EXT2: variants seen among roughly 807,000 people sequenced by gnomAD.
The protein encoded by EXT2 is exostosin glycosyltransferase 2.
In EXT2, 53 loss-of-function variants were observed where a neutral mutation model predicts 81.6. The ratio of observed to expected loss-of-function variants is 0.65; its 90% CI spans 0.52 to 0.82. The LOEUF (loss-of-function observed/expected upper bound fraction) is 0.82. EXT2 is among the 40% of genes least tolerant of loss of function. The pLI, the probability that EXT2 is intolerant of heterozygous loss-of-function variation, is 0.00. For missense variants in EXT2, 774 were observed against 910.2 expected, an observed-to-expected ratio of 0.85 and a Z score of 1.93; for synonymous variants, 320 against 340.0, an observed-to-expected ratio of 0.94 and a Z score of 0.65.
At chr11:44,110,516 G>A (rs1468386518) in intron 3 of EXT2, among the ~76,000 whole-genome samples, 2 of 152,214 alleles carry the variant, frequency 1.3e-5, no homozygotes, top group Non-Finnish European at 2.9e-5. Context: ...TATGGATTTG[G>A]TTGTTCTGGG....
At chr11:44,171,973 C>T in intron 8 of EXT2, 2 of 571,000 alleles carry the variant, frequency 3.5e-6, no homozygotes, top group Admixed American at 2.9e-5. Context: ...GAAAGACTGT[C>T]TATTTATTGC....
chr11:44,241,649 G>A (rs189746439), intron 13 of EXT2, among the ~76,000 whole-genome samples: 1 of 152,306 alleles, frequency 6.6e-6, no homozygotes, highest in East Asian at 1.9e-4. Flanking sequence ...AAAACCATTA[G>A]TTCTTTCTTC....
chr11:44,243,399 G>T (rs990191490), intron 13 of EXT2, among the ~76,000 whole-genome samples: 1 of 152,108 alleles, frequency 6.6e-6, no homozygotes, highest in Non-Finnish European at 1.5e-5. Flanking sequence ...CTCCTCTGGC[G>T]GTGCTGTGCT....
intron 1 of EXT2, among the ~76,000 whole-genome samples, chr11:44,102,616 C>G (rs76724292): frequency 0.012 from 1,644 of 138,524 alleles, 34 homozygotes; most frequent in African/African-American, 0.042. Context: ...AAATATGATA[C>G]TTAAGACTAA....
At chr11:44,238,345 C>T (rs1162265151) in intron 13 of EXT2, among the ~76,000 whole-genome samples, 1 of 152,124 alleles carries the variant, frequency 6.6e-6, no homozygotes, top group African/African-American at 2.4e-5. Flanking sequence ...ACCACGCTAA[C>T]TAGTTCTTAA....
Position 44,194,285 on chromosome 11 carries a change from G to A in EXT2, c.1306-3544G>A, listed in dbSNP as rs149322747. Among the ~76,000 whole-genome samples the A allele has an allele frequency of 5.6e-3, 851 of 152,138 alleles. 14 individuals carry two copies. Among genetic ancestry groups the A allele is most frequent in the African/African-American group, 0.019 (799 of 41,506 alleles). On this transcript the variant is annotated intron_variant, in intron 8 of 13. Coordinates refer to ENST00000533608, the MANE Select transcript of EXT2 (RefSeq NM_207122.2). ...CACTTTGTGTCAGTGTTATATATTC[G>A]GTGTGTTTTTATTCCATAGACTTTC...
chr11:44,143,055 G>A (rs1369186139), intron 7 of EXT2, among the ~76,000 whole-genome samples: 16 of 152,192 alleles, frequency 1.1e-4, no homozygotes, highest in East Asian at 1.9e-4. Context: ...AGGTTCGAGC[G>A]ATTCTCCTGC....
At chr11:44,219,389 C>T (rs1955757838) in intron 10 of EXT2, among the ~76,000 whole-genome samples, 1 of 152,020 alleles carries the variant, frequency 6.6e-6, no homozygotes, top group South Asian at 2.1e-4. Flanking sequence ...TGGCGCTCAC[C>T]TGTAGTCCCA....
chr11:44,097,808 T>A (rs1184587938), intron 1 of EXT2, among the ~76,000 whole-genome samples: 8 of 150,626 alleles, frequency 5.3e-5, no homozygotes, highest in South Asian at 2.1e-4. Flanking sequence ...AAAATAAAAA[T>A]AAAAAGGTTG....
chr11:44,173,714 G>A (rs1409771155), intron 8 of EXT2, among the ~76,000 whole-genome samples: 4 of 151,516 alleles, frequency 2.6e-5, no homozygotes, highest in African/African-American at 4.8e-5. Flanking sequence ...GACTACAGGC[G>A]CCCGCCACCA....
chr11:44,203,333 A>G (rs955566007), intron 9 of EXT2, among the ~76,000 whole-genome samples: 2 of 152,192 alleles, frequency 1.3e-5, no homozygotes, highest in African/African-American at 4.8e-5. Context: ...TAAACTTGGG[A>G]GAGCCCCTTC....
chr11:44,110,136 A>G (rs971358178), intron 3 of EXT2, among the ~76,000 whole-genome samples: 1 of 152,324 alleles, frequency 6.6e-6, no homozygotes, highest in Middle Eastern at 3.4e-3. Flanking sequence ...TTGTTAACTG[A>G]AAAGGTAACA....
chr11:44,173,608 G>A (rs373301355), intron 8 of EXT2, among the ~76,000 whole-genome samples: 4 of 120,708 alleles, frequency 3.3e-5, no homozygotes, highest in South Asian at 5.5e-4. Flanking sequence ...TCGCTCTGTC[G>A]CCCAGGCTGG....
At chr11:44,177,836 C>A (rs114419754) in intron 8 of EXT2, among the ~76,000 whole-genome samples, 1,692 of 152,026 alleles carry the variant, frequency 0.011, 31 homozygotes, top group African/African-American at 0.039. Flanking sequence ...AGTAGGGGTT[C>A]TTATGGCCAT....
At chr11:44,123,093 G>A (rs7102268) in intron 4 of EXT2, among the ~76,000 whole-genome samples, 88,520 of 151,942 alleles carry the variant, frequency 0.58, 26,093 homozygotes, top group East Asian at 0.77. Flanking sequence ...CTCTGGGTTT[G>A]TATGACTAGT....
intron 8 of EXT2, among the ~76,000 whole-genome samples, chr11:44,191,888 C>T (rs1955396136): frequency 6.6e-6 from 1 of 152,148 alleles, no homozygotes; most frequent in Non-Finnish European, 1.5e-5. Context: ...GCAATTGACA[C>T]AGAAGCTTAG....
At chr11:44,125,601 G>A (rs775350796) in intron 5 of EXT2, among the ~76,000 whole-genome samples, 1 of 152,112 alleles carries the variant, frequency 6.6e-6, no homozygotes, top group Non-Finnish European at 1.5e-5. Flanking sequence ...GCTAGGAAAT[G>A]AGAAATTGAG....
chr11:44,163,683 TTCTG>T (rs1954956200), intron 7 of EXT2, among the ~76,000 whole-genome samples: 2 of 152,194 alleles, frequency 1.3e-5, no homozygotes, highest in Non-Finnish European at 2.9e-5. Flanking sequence ...AAATAAATGG[TTCTG>T]TCAATGTTAG....
chr11:44,156,675 C>T (rs1465957924), intron 7 of EXT2, among the ~76,000 whole-genome samples: 1 of 152,196 alleles, frequency 6.6e-6, no homozygotes, highest in Non-Finnish European at 1.5e-5. Context: ...TTTGAATTCT[C>T]TGTCTGAAAG....
Sources: gnomAD v4.1 joint callset for allele counts (sites outside exome capture counted in the v4.1 genomes callset) on GRCh38, gnomAD v4.1.1 for gene constraint, MANE v1.5 for transcripts, NCBI Gene and HGNC (gene_info 2026-07-23, HGNC 2026-07-21) for gene names.